TACC1: variants seen among roughly 807,000 people sequenced by gnomAD.
TACC1 encodes the protein transforming acidic coiled-coil-containing protein 1.
Under a neutral mutation model 84.4 loss-of-function variants are expected in TACC1, and 48 were observed. That is an observed-to-expected ratio of 0.57 (90% confidence interval 0.45 to 0.72). The LOEUF is 0.72. TACC1 is among the 30% of genes least tolerant of loss of function. The pLI, the probability that TACC1 is intolerant of heterozygous loss-of-function variation, is 0.00. For synonymous variants in TACC1, 372 were observed against 376.3 expected (o/e 0.99, Z 0.13); for missense variants, 920 against 973.0 (o/e 0.95, Z 0.72).
At chr8:38,747,477 G>A (rs1808285432) in intron 3 of TACC1, among the ~76,000 whole-genome samples, 1 of 152,136 alleles carries the variant, frequency 6.6e-6, no homozygotes, top group Non-Finnish European at 1.5e-5. Context: ...TAGGCAAATG[G>A]ATAAACCGTG....
chr8:38,757,702 C>T (rs1448527708), intron 3 of TACC1, among the ~76,000 whole-genome samples: 1 of 152,008 alleles, frequency 6.6e-6, no homozygotes, highest in African/African-American at 2.4e-5. Context: ...CGGCCTCGTC[C>T]AAGCAGAAAA....
At chr8:38,801,389 G>A (rs1387541761) in intron 2 of TACC1, among the ~76,000 whole-genome samples, 1 of 152,178 alleles carries the variant, frequency 6.6e-6, no homozygotes, top group Admixed American at 6.5e-5. Flanking sequence ...GTCAGTTTCT[G>A]CATATGGTGT....
chr8:38,761,133 G>A (rs1811129666), intron 3 of TACC1, among the ~76,000 whole-genome samples: 1 of 152,142 alleles, frequency 6.6e-6, no homozygotes. Flanking sequence ...ATGCATTTGG[G>A]AATATGATAG....
chr8:38,761,819 G>A (rs539848724), intron 3 of TACC1, among the ~76,000 whole-genome samples: 2 of 152,318 alleles, frequency 1.3e-5, no homozygotes, highest in East Asian at 1.9e-4. Context: ...GAGCAAGTTT[G>A]TGGAGAAGAC....
chr8:38,852,383 C>CT lies in TACC1; in HGVS notation c.*4361dup, dbSNP rs1833210253. On this transcript the variant is annotated 3_prime_UTR_variant, in exon 13 of 13. Coordinates refer to ENST00000317827, the MANE Select transcript of TACC1 (RefSeq NM_006283.3). ...GCCAGGCTCAGAGCTGAGATGTGGC[C>CT]TGAACCTTCCCTGTATCGATCCTTT... 1.3e-5 allele frequency: 2 copies of CT among 159,996 alleles called. No homozygotes were observed. The highest frequency in any genetic ancestry group is 6.0e-5 in the Admixed American group (1 of 16,700). The allele number at this position is 159,996 out of a possible 1,614,324, so 9.9% of individuals were successfully genotyped here.
At chr8:38,772,025 AAG>A (rs35335324) in intron 3 of TACC1, among the ~76,000 whole-genome samples, 30,029 of 147,946 alleles carry the variant, frequency 0.2, 3,475 homozygotes, top group Non-Finnish European at 0.28. Flanking sequence ...AAGAAAGAAA[AAG>A]AGAGAGAGAG....
chr8:38,808,098 C>T (rs60333188), intron 2 of TACC1, among the ~76,000 whole-genome samples: 2,035 of 152,346 alleles, frequency 0.013, 49 homozygotes, highest in African/African-American at 0.046. Flanking sequence ...GATCTAATCT[C>T]TGTCTGTATT....
At chr8:38,772,691 C>A (rs1813882325) in intron 3 of TACC1, among the ~76,000 whole-genome samples, 1 of 151,972 alleles carries the variant, frequency 6.6e-6, no homozygotes, top group Non-Finnish European at 1.5e-5. Context: ...TCACCTCTAG[C>A]AAAAGATAAT....
At chr8:38,735,117 G>T (rs768897391) in intron 1 of TACC1, among the ~76,000 whole-genome samples, 3 of 152,256 alleles carry the variant, frequency 2.0e-5, no homozygotes, top group Non-Finnish European at 4.4e-5. Flanking sequence ...CTTGAGGCAC[G>T]CATCAGCAGA....
At chr8:38,763,227 G>T (rs1022869509) in intron 3 of TACC1, among the ~76,000 whole-genome samples, 3 of 152,074 alleles carry the variant, frequency 2.0e-5, no homozygotes, top group Non-Finnish European at 2.9e-5. Flanking sequence ...ATAGCACACT[G>T]AAGCCTTGAA....
At chr8:38,783,316 G>A (rs1296583535), upstream of TACC1, among the ~76,000 whole-genome samples, 1 of 151,966 alleles carries the variant, frequency 6.6e-6, no homozygotes, top group Non-Finnish European at 1.5e-5. Context: ...CCAGAGCAAA[G>A]TCTGGGCAAG....
In TACC1 at chr8:38,787,245, A is replaced by G. The variant is rs1817422880; in HGVS notation, c.-338A>G. 2 of 1,019,088 alleles carry G rather than the reference A, an allele frequency of 2.0e-6. No homozygotes were observed. The highest frequency in any genetic ancestry group is 4.6e-5 in the South Asian group (1 of 21,726). 63.1% of individuals were successfully genotyped at this position (1,019,088 alleles called of 1,614,324 possible). The stretch of plus-strand genomic sequence containing the variant: ...GCCGGCCGGGAGGCGGGAGTCCGCG[A>G]GCCGGGAGCGGGAGCAGCAGAGGTC... On this transcript the variant is annotated 5_prime_UTR_variant, in exon 1 of 13. Transcript: ENST00000317827.
upstream of TACC1, among the ~76,000 whole-genome samples, chr8:38,786,251 A>G (rs1384431169): frequency 6.6e-6 from 1 of 152,228 alleles, no homozygotes; most frequent in African/African-American, 2.4e-5. Context: ...TTTGAGAGGA[A>G]CAATCCCTAC....
intron 5 of TACC1, among the ~76,000 whole-genome samples, chr8:38,830,609 T>G (rs1046150989): frequency 1.3e-5 from 2 of 149,578 alleles, no homozygotes; most frequent in Non-Finnish European, 3.0e-5. Flanking sequence ...CCTAGTAGAG[T>G]AGAGGATAGA....
intron 3 of TACC1, among the ~76,000 whole-genome samples, chr8:38,779,972 T>C (rs1013051392): frequency 5.3e-5 from 8 of 152,254 alleles, no homozygotes; most frequent in Admixed American, 4.6e-4. Context: ...TTACTTGTTT[T>C]CACGAGTTCC....
intron 5 of TACC1, among the ~76,000 whole-genome samples, chr8:38,829,609 A>G (rs995264592): frequency 2.6e-5 from 4 of 152,128 alleles, no homozygotes; most frequent in African/African-American, 9.7e-5. Context: ...TTATAAACTT[A>G]CTGAGGTTAG....
intron 11 of TACC1, among the ~76,000 whole-genome samples, chr8:38,845,364 A>G (rs562666865): frequency 1.3e-5 from 2 of 152,320 alleles, no homozygotes; most frequent in African/African-American, 4.8e-5. Context: ...ATTCTTCTCC[A>G]TAGGTTTTAC....
intron 1 of TACC1, among the ~76,000 whole-genome samples, chr8:38,739,986 C>T (rs2151666178): frequency 6.6e-6 from 1 of 152,338 alleles, no homozygotes; most frequent in African/African-American, 2.4e-5. Flanking sequence ...TTGGGGCTGC[C>T]AGAGAAGACT....
At chr8:38,776,551 A>G (rs939838975) in intron 3 of TACC1, among the ~76,000 whole-genome samples, 45 of 152,254 alleles carry the variant, frequency 3.0e-4, no homozygotes, top group Admixed American at 2.7e-3. Flanking sequence ...ATTATGTTTC[A>G]TATACACCTT....
Sources: gnomAD v4.1 joint callset for allele counts (sites outside exome capture counted in the v4.1 genomes callset) on GRCh38, gnomAD v4.1.1 for gene constraint, MANE v1.5 for transcripts, NCBI Gene and HGNC (gene_info 2026-07-23, HGNC 2026-07-21) for gene names.